CXADR: variants seen among roughly 807,000 people sequenced by gnomAD.
The protein encoded by CXADR is coxsackievirus and adenovirus receptor.
CXADR carries 20 observed loss-of-function variants against 40.3 expected under a neutral mutation model. That is an observed-to-expected ratio of 0.50 (90% CI 0.35 to 0.72). The LOEUF (loss-of-function observed/expected upper bound fraction) is 0.72, where lower values mean the gene tolerates loss of function less well. Among genes scored for constraint, CXADR ranks in the 30% least tolerant of loss-of-function variants. CXADR has a pLI of 0.01. For missense variants in CXADR, 332 were observed against 449.1 expected, an observed-to-expected ratio of 0.74 and a Z score of 2.36; for synonymous variants, 150 against 161.3, an observed-to-expected ratio of 0.93 and a Z score of 0.53.
Position 17,569,132 on chromosome 21 carries a change from A to G in CXADR, c.*3440A>G, listed in dbSNP as rs1601039296. The G allele has an allele frequency of 1.0e-6, 1 of 985,430 alleles. No individual in the cohort carries two copies. Among genetic ancestry groups the G allele is most frequent in the East Asian group, 1.1e-4 (1 of 8,820 alleles). The allele number at this position is 985,430 out of a possible 1,614,324, so 61.0% of individuals were successfully genotyped here. The stretch of plus-strand genomic sequence containing the variant: ...CTGTGATGTGTGGCTTCTTAAAAAT[A>G]TTCTCAGTGTCTTTTGTGTGCGTGC... On this transcript the variant is annotated 3_prime_UTR_variant, in exon 7 of 7. Coordinates refer to ENST00000284878, the MANE Select transcript of CXADR (RefSeq NM_001338.5).
chr21:17,518,618 T>G (rs1417167866), intron 1 of CXADR: 2 of 1,547,666 alleles, frequency 1.3e-6, no homozygotes, highest in Non-Finnish European at 1.8e-6. Context: ...GCTGCTTTAC[T>G]GTCCAAGACT....
the CXADR span, among the ~76,000 whole-genome samples, chr21:17,606,679 A>G: frequency 6.6e-6 from 1 of 152,094 alleles, no homozygotes; most frequent in African/African-American, 2.4e-5. Context: ...CATGTTTTGT[A>G]CTATTTTTTT....
chr21:17,557,413 G>T (rs181408993), intron 3 of CXADR, among the ~76,000 whole-genome samples: 117 of 152,284 alleles, frequency 7.7e-4, no homozygotes, highest in Middle Eastern at 3.4e-3. Context: ...GACAGCTGAT[G>T]GCTACTTCCT....
the CXADR span, among the ~76,000 whole-genome samples, chr21:17,610,513 A>G: frequency 6.6e-6 from 1 of 152,244 alleles, no homozygotes; most frequent in Non-Finnish European, 1.5e-5. Context: ...AGAAATAATC[A>G]GAGATTTAGC....
At chr21:17,590,069 T>C (rs1401574360) in intron 7 of CXADR, among the ~76,000 whole-genome samples, 6 of 152,126 alleles carry the variant, frequency 3.9e-5, no homozygotes, top group Admixed American at 3.9e-4. Context: ...ATTTATATTT[T>C]ATAAATTTTA....
At chr21:17,526,484 A>G (rs993405040) in intron 1 of CXADR, among the ~76,000 whole-genome samples, 1 of 152,204 alleles carries the variant, frequency 6.6e-6, no homozygotes, top group African/African-American at 2.4e-5. Context: ...TATATGCATA[A>G]TAATTATATT....
chr21:17,525,072 A>G (rs776046651), intron 1 of CXADR, among the ~76,000 whole-genome samples: 2 of 152,166 alleles, frequency 1.3e-5, no homozygotes, highest in African/African-American at 2.4e-5. Context: ...AATAGTAACA[A>G]TATTTTTAGG....
At chr21:17,519,062 C>T (rs538778652) in intron 1 of CXADR, 33 of 1,018,472 alleles carry the variant, frequency 3.2e-5, no homozygotes, top group South Asian at 2.9e-4. Flanking sequence ...GATGGCTGCC[C>T]GATATGCCCC....
chr21:17,528,962 C>CA (rs2060634622), intron 1 of CXADR, among the ~76,000 whole-genome samples: 1 of 151,698 alleles, frequency 6.6e-6, no homozygotes, highest in East Asian at 1.9e-4. Context: ...TGCTCCTACT[C>CA]ACGGACTGTG....
intron 1 of CXADR, among the ~76,000 whole-genome samples, chr21:17,539,729 G>A (rs2060803143): frequency 6.6e-6 from 1 of 151,996 alleles, no homozygotes; most frequent in Admixed American, 6.6e-5. Flanking sequence ...CTCCTGAGAG[G>A]GACCATCCAG....
At chr21:17,552,226 A>G (rs1334673908) in intron 3 of CXADR, among the ~76,000 whole-genome samples, 4 of 152,220 alleles carry the variant, frequency 2.6e-5, no homozygotes, top group Non-Finnish European at 5.9e-5. Flanking sequence ...ACCCTAAGCT[A>G]GGAGTTAGGA....
At chr21:17,555,903 TG>T (rs2061028576) in intron 3 of CXADR, among the ~76,000 whole-genome samples, 1 of 152,226 alleles carries the variant, frequency 6.6e-6, no homozygotes, top group South Asian at 2.1e-4. Flanking sequence ...CTTGGAAGGA[TG>T]ACATCATGAT....
Position 17,589,950 on chromosome 21 carries a change from GTATT to G in CXADR, c.1018-3199_1018-3196del, listed in dbSNP as rs369103553. On this transcript the variant is annotated intron_variant, in intron 7 of 7. Coordinates refer to the CXADR transcript ENST00000400169. Reference sequence around the variant, plus strand: ...ATTCCCAAAATAAATGTTTTAATTTGTATTTAGTGTTCATATATTTATTGGTCAT... The same window carrying G: ...ATTCCCAAAATAAATGTTTTAATTTGTAGTGTTCATATATTTATTGGTCAT... Among the ~76,000 whole-genome samples the G allele has an allele frequency of 3.8e-4, 57 of 151,982 alleles. No individual in the cohort carries two copies. The East Asian group carries it at 7.7e-3, about 21-fold the overall frequency.
chr21:17,530,348 TTG>T (rs2060657216), intron 1 of CXADR: 1 of 445,882 alleles, frequency 2.2e-6, no homozygotes, highest in Admixed American at 2.5e-5. Flanking sequence ...ATTTTACAGT[TTG>T]TGTTTTTTGT....
At chr21:17,583,610 C>CA (rs1441871077) in intron 7 of CXADR, among the ~76,000 whole-genome samples, 6 of 344 alleles carry the variant, frequency 0.017, no homozygotes, top group East Asian at 0.045. Context: ...GACACACACT[C>CA]GAAATCCACT....
the CXADR span, among the ~76,000 whole-genome samples, chr21:17,616,942 T>G: frequency 6.6e-6 from 1 of 152,192 alleles, no homozygotes; most frequent in Non-Finnish European, 1.5e-5. Context: ...TCTTCATTAT[T>G]TTCTCCGTTA....
Position 17,568,148 on chromosome 21 carries a change from A to G in CXADR, c.*2456A>G, listed in dbSNP as rs1183952918. ...ATCTTTTTTTTTTTTTTTTTTTTTA[A>G]GACGGAGTCTCGGTCTGTCACCCAG... On this transcript the variant is annotated 3_prime_UTR_variant, in exon 7 of 7. Transcript: ENST00000284878. The G allele has an allele frequency of 1.2e-6, 1 of 835,408 alleles. No individual in the cohort carries two copies. The highest frequency in any genetic ancestry group is 1.4e-6 in the Non-Finnish European group (1 of 735,498). The allele number at this position is 835,408 out of a possible 1,614,324, so 51.7% of individuals were successfully genotyped here. A position where few individuals can be genotyped will look rare whatever the true frequency, so the allele number is the denominator to read the frequency against.
rs949599670 is a variant in CXADR, at chr21:17,567,927, A to C, written c.*2235A>C. 1 of 982,346 alleles carries C rather than the reference A, an allele frequency of 1.0e-6. No individual in the cohort carries two copies. Among genetic ancestry groups the C allele is most frequent in the African/African-American group, 1.7e-5 (1 of 57,150 alleles). The allele number at this position is 982,346 out of a possible 1,614,324, so 60.9% of individuals were successfully genotyped here. A position where few individuals can be genotyped will look rare whatever the true frequency, so the allele number is the denominator to read the frequency against. On this transcript the variant is annotated 3_prime_UTR_variant, in exon 7 of 7. Transcript: ENST00000284878. Reference sequence around the variant, plus strand: ...TCCCATATACTTCATATTTTAGAGGACATTGTTTTAAAGGCTTATGTCTCA... The same window carrying C: ...TCCCATATACTTCATATTTTAGAGGCCATTGTTTTAAAGGCTTATGTCTCA...
At chr21:17,585,152 G>T (rs2824373) in intron 7 of CXADR, among the ~76,000 whole-genome samples, 11,442 of 151,928 alleles carry the variant, frequency 0.075, 495 homozygotes, top group East Asian at 0.14. Context: ...GATTAACTTG[G>T]CTGTTTATTT....
Sources: gnomAD v4.1 joint callset for allele counts (sites outside exome capture counted in the v4.1 genomes callset) on GRCh38, gnomAD v4.1.1 for gene constraint, MANE v1.5 for transcripts, NCBI Gene and HGNC (gene_info 2026-07-23, HGNC 2026-07-21) for gene names.